Variants in NIBAN1 observed in about 807,000 individuals in gnomAD.
The protein encoded by NIBAN1 is protein Niban 1.
A neutral mutation model predicts 75.1 loss-of-function variants in NIBAN1; 81 were observed. That is an observed-to-expected ratio of 1.08 (90% CI 0.90 to 1.30). NIBAN1 has a LOEUF of 1.30. Among genes scored for constraint, NIBAN1 ranks in the 50% most tolerant of loss-of-function variants. The pLI is 0.00. For missense variants in NIBAN1, 1,133 were observed against 1,128.1 expected, an observed-to-expected ratio of 1.00 and a Z score of -0.06; for synonymous variants, 436 against 424.8, an observed-to-expected ratio of 1.03 and a Z score of -0.32.
Position 184,885,424 on chromosome 1 carries a change from C to A in NIBAN1, c.434-624G>T, listed in dbSNP as rs561877401. Among the ~76,000 whole-genome samples, 5 of 152,318 alleles carry A rather than the reference C, an allele frequency of 3.3e-5. No homozygotes were observed. The East Asian group carries it at 7.7e-4, about 24-fold the overall frequency. On this transcript the variant is annotated intron_variant, in intron 4 of 13. Transcript: ENST00000367511. ...TCCTGAGCTCAAGCGAGCCACCTGACTTTGCCTCCCAAAGTGCTGGGATTA... is the reference window on the plus strand; with the variant it reads ...TCCTGAGCTCAAGCGAGCCACCTGAATTTGCCTCCCAAAGTGCTGGGATTA...
chr1:184,925,051 CTTG>C (rs755685629), intron 1 of NIBAN1, among the ~76,000 whole-genome samples: 111 of 151,768 alleles, frequency 7.3e-4, no homozygotes, highest in Non-Finnish European at 1.0e-3. Context: ...TATTAATTTG[CTTG>C]TTATTAGCTG....
chr1:184,951,180 G>T (rs1658348908), intron 1 of NIBAN1, among the ~76,000 whole-genome samples: 1 of 152,218 alleles, frequency 6.6e-6, no homozygotes, highest in South Asian at 2.1e-4. Flanking sequence ...CTTTGCCACA[G>T]TCTCCCTGGG....
rs1658597123 is a variant in NIBAN1 at position 184,960,335 on chromosome 1, A to G, written c.55+13967T>C. On this transcript the variant is annotated intron_variant, in intron 1 of 13. Coordinates refer to ENST00000367511, the MANE Select transcript of NIBAN1 (RefSeq NM_052966.4). ...TTGATCACCAGATTTTTAATTTCCA[A>G]GAGCTCTTTCTTATTCTATTATTGT... is the stretch of plus-strand genomic sequence containing the variant. 2.0e-5 allele frequency among the ~76,000 whole-genome samples: 3 copies of G among 152,192 alleles called. No homozygotes were observed. The South Asian group carries it at 6.2e-4, about 32-fold the overall frequency.
rs765378611 is a variant in NIBAN1 at position 184,795,539 on chromosome 1, T to C, written c.2225A>G (p.Gln742Arg). The C allele has an allele frequency of 8.7e-6, 14 of 1,614,014 alleles. No individual in the cohort carries two copies. In the Admixed American group the frequency reaches 2.0e-4, roughly 23 times the overall value. ...TTTTTCCTCTTCTTCTTCATTTTCT[T>C]GGGGAACGTGGCTCTCCCCATTCGT... ...EDTNGESHVP[Q>R]ENEEEEEKEP... The change falls in exon 14 of 14, where the codon CAA becomes CGA. Residue 742 changes from glutamine (Q) to arginine (R), a missense_variant. Gln to Arg is a conservative substitution (Grantham distance 43). Transcript: ENST00000367511.
chr1:184,912,911 T>C (rs1190302064), intron 1 of NIBAN1, among the ~76,000 whole-genome samples: 1 of 152,132 alleles, frequency 6.6e-6, no homozygotes, highest in African/African-American at 2.4e-5. Context: ...GGCTGGATTT[T>C]AGCTCTGCTT....
At chr1:184,806,736 G>GT (rs200682930) in intron 10 of NIBAN1, among the ~76,000 whole-genome samples, 1,860 of 149,192 alleles carry the variant, frequency 0.012, 73 homozygotes, top group Admixed American at 0.061. Context: ...CCCCAAGCCC[G>GT]TGGTCCCAAA....
At chr1:184,830,998 C>A (rs375425499) in intron 6 of NIBAN1, among the ~76,000 whole-genome samples, 8 of 146,388 alleles carry the variant, frequency 5.5e-5, no homozygotes, top group East Asian at 2.0e-4. Flanking sequence ...AGACTCCTCT[C>A]AAAAAAAAAA....
rs1476839960 is a variant in NIBAN1 at position 184,795,195 on chromosome 1, G to T, written c.2569C>A (p.Gln857Lys). 6.2e-7 allele frequency: 1 copy of T among 1,614,150 alleles called. No homozygotes were observed. The highest frequency in any genetic ancestry group is 1.7e-5 in the Admixed American group (1 of 60,032). Reference protein sequence around the residue: ...GSDPICLSESQVSEEQEEMGG... With the variant: ...GSDPICLSESKVSEEQEEMGG... The stretch of plus-strand genomic sequence containing the variant: ...ATCTCTTCTTGTTCCTCAGAAACCT[G>T]GCTCTCACTGAGGCAGATGGGGTCA... Residue 857 changes from glutamine to lysine, a missense_variant, in exon 14 of 14, where the codon CAG (glutamine) becomes AAG (lysine). Physicochemically the swap from Gln to Lys is moderately conservative, Grantham distance 53 (BLOSUM62 1). Coordinates refer to ENST00000367511, the MANE Select transcript of NIBAN1 (RefSeq NM_052966.4).
At chr1:184,912,444 C>T (rs1028142081) in intron 1 of NIBAN1, among the ~76,000 whole-genome samples, 2 of 152,208 alleles carry the variant, frequency 1.3e-5, no homozygotes, top group African/African-American at 2.4e-5. Flanking sequence ...AAAGTGGCTG[C>T]GCAATTCACA....
rs1312966759 is a variant in NIBAN1 at position 184,890,222 on chromosome 1, C to T, written c.319G>A (p.Ala107Thr). Residue 107 changes from alanine to threonine, a missense_variant and splice_region_variant, in exon 4 of 14, where the codon GCC (alanine) becomes ACC (threonine). Coordinates refer to ENST00000367511, the MANE Select transcript of NIBAN1 (RefSeq NM_052966.4). ...TTAGGAGCAGCTCCTCTCTGATAGG[C>T]CTGGGGAGGGAAAGGCACACAGGAA... ...YAVESYENKE[A>T]YQRGAAPKCR... 1 of 1,610,178 alleles carries T rather than the reference C, an allele frequency of 6.2e-7. No homozygotes were observed. Among genetic ancestry groups the T allele is most frequent in the Non-Finnish European group, 8.5e-7 (1 of 1,176,582 alleles).
chr1:184,885,331 C>T (rs916029347), intron 4 of NIBAN1, among the ~76,000 whole-genome samples: 1 of 152,138 alleles, frequency 6.6e-6, no homozygotes, highest in Admixed American at 6.5e-5. Context: ...AGCCACCGCA[C>T]CCGGCTAGTT....
Position 184,884,710 on chromosome 1 carries a change from T to C in NIBAN1, c.524A>G (p.Tyr175Cys), listed in dbSNP as rs945924794. ...GTCAGCAGCCTCGTGGAAGCAGAAG[T>C]AGCCGTGTCTGAAGAAGGGCTGCCA... ...YLWQPFFRHG[Y>C]FCFHEAADQK... The change falls in exon 5 of 14, where the codon TAC becomes TGC. Residue 175 changes from tyrosine to cysteine, a missense_variant. Physicochemically the swap from Tyr to Cys is radical, Grantham distance 194 (BLOSUM62 -2). Coordinates refer to ENST00000367511, the MANE Select transcript of NIBAN1 (RefSeq NM_052966.4). The C allele has an allele frequency of 3.1e-6, 5 of 1,614,060 alleles. No individual in the cohort carries two copies. Among genetic ancestry groups the C allele is most frequent in the Non-Finnish European group, 4.2e-6 (5 of 1,180,008 alleles).
At chr1:184,934,627 T>C (rs1657907903) in intron 1 of NIBAN1, among the ~76,000 whole-genome samples, 1 of 152,138 alleles carries the variant, frequency 6.6e-6, no homozygotes, top group Admixed American at 6.5e-5. Context: ...CCACTAGCAG[T>C]GGCTCACGCC....
At chr1:184,947,577 G>A (rs1394206480) in intron 1 of NIBAN1, among the ~76,000 whole-genome samples, 1 of 152,192 alleles carries the variant, frequency 6.6e-6, no homozygotes, top group East Asian at 1.9e-4. Flanking sequence ...AAAAGGCCTG[G>A]CTTTGACCAA....
Position 184,823,278 on chromosome 1 carries a change from T to C in NIBAN1, c.874A>G (p.Ser292Gly). The change falls in exon 8 of 14, where the codon AGT becomes GGT. Residue 292 changes from serine (S) to glycine (G), a missense_variant. Coordinates refer to ENST00000367511, the MANE Select transcript of NIBAN1 (RefSeq NM_052966.4). ...LVQHQVSEGL[S>G]ALKEECRALT... ...GCTCTGCATTCCTCCTTCAAGGCAC[T>C]TAATCCTTCTGAAACTTGATGCTGA... 6.2e-7 allele frequency: 1 copy of C among 1,614,192 alleles called. No individual in the cohort carries two copies. Among genetic ancestry groups the C allele is most frequent in the African/African-American group, 1.3e-5 (1 of 75,040 alleles).
At chr1:184,812,354 T>C (rs1036416414) in intron 9 of NIBAN1, among the ~76,000 whole-genome samples, 2 of 152,124 alleles carry the variant, frequency 1.3e-5, no homozygotes, top group African/African-American at 4.8e-5. Context: ...CTAGCCAGAA[T>C]GAAAAAAATA....
intron 5 of NIBAN1, among the ~76,000 whole-genome samples, chr1:184,884,163 C>T (rs896835466): frequency 3.3e-5 from 5 of 150,852 alleles, no homozygotes; most frequent in African/African-American, 9.7e-5. Flanking sequence ...GTGCACAGAA[C>T]TCTCCCTTTA....
chr1:184,952,767 CAATT>C (rs953185063), intron 1 of NIBAN1, among the ~76,000 whole-genome samples: 8 of 151,924 alleles, frequency 5.3e-5, no homozygotes, highest in African/African-American at 1.7e-4. Context: ...CTTAATCAAT[CAATT>C]AAACAACTTG....
intron 1 of NIBAN1, among the ~76,000 whole-genome samples, chr1:184,962,398 T>C (rs970102701): frequency 3.9e-5 from 6 of 152,316 alleles, no homozygotes; most frequent in Admixed American, 2.6e-4. Flanking sequence ...TTGAGAACCA[T>C]GATTCTCAGT....
Sources: gnomAD v4.1 joint callset for allele counts (sites outside exome capture counted in the v4.1 genomes callset) on GRCh38, gnomAD v4.1.1 for gene constraint, MANE v1.5 for transcripts, NCBI Gene and HGNC (gene_info 2026-07-23, HGNC 2026-07-21) for gene names.